AMD1: variants seen among roughly 807,000 people sequenced by gnomAD.
The protein encoded by AMD1 is adenosylmethionine decarboxylase 1.
Under a neutral mutation model 40.2 loss-of-function variants are expected in AMD1, and 11 were observed. The observed-to-expected ratio is 0.27, with a 90% CI of 0.17 to 0.45. The LOEUF is 0.45. AMD1 is among the 20% of genes least tolerant of loss of function. The pLI is 1.00. For missense variants in AMD1, 257 were observed against 410.2 expected (o/e 0.63, Z 3.23); for synonymous variants, 121 against 130.8 (o/e 0.93, Z 0.51).
At chr6:110,830,179 T>C in the AMD1 span, among the ~76,000 whole-genome samples, 2 of 151,998 alleles carry the variant, frequency 1.3e-5, no homozygotes, top group Admixed American at 1.3e-4. Context: ...CATACCCAGC[T>C]AATTTTTTTG....
chr6:110,819,866 G>T, the AMD1 span, among the ~76,000 whole-genome samples: 1 of 152,130 alleles, frequency 6.6e-6, no homozygotes, highest in African/African-American at 2.4e-5. Flanking sequence ...GTGACCTCTG[G>T]TCTACTCACT....
upstream of AMD1, among the ~76,000 whole-genome samples, chr6:110,870,741 C>T (rs1212755834): frequency 2.0e-5 from 3 of 152,104 alleles, no homozygotes; most frequent in East Asian, 5.8e-4. Context: ...AGACTGTGGA[C>T]AGATTAAGCC....
chr6:110,835,373 A>G, the AMD1 span, among the ~76,000 whole-genome samples: 1 of 152,108 alleles, frequency 6.6e-6, no homozygotes, highest in Non-Finnish European at 1.5e-5. Context: ...GTGTTTCCCA[A>G]AAGTTAGTTA....
At chr6:110,850,386 T>G in the AMD1 span, among the ~76,000 whole-genome samples, 1,526 of 152,208 alleles carry the variant, frequency 0.01, 28 homozygotes, top group African/African-American at 0.035. Flanking sequence ...GACCCTCCCT[T>G]GCCGGTGAAA....
At chr6:110,875,262 CCG>C in intron 1 of AMD1, 47 bp downstream of exon 1, 2 of 1,472,040 alleles carry the variant, frequency 1.4e-6, no homozygotes, top group Middle Eastern at 1.7e-4. Context: ...GGGGCTGTCG[CCG>C]CCGCCGAGGC....
At chr6:110,889,098 C>T (rs1785870336) in intron 3 of AMD1, 115 bp downstream of exon 3, 1 of 1,301,702 alleles carries the variant, frequency 7.7e-7, no homozygotes, top group Non-Finnish European at 1.0e-6. Flanking sequence ...TGCATGCAAA[C>T]ACGTGGTAAG....
At chr6:110,868,198 A>G in the AMD1 span, among the ~76,000 whole-genome samples, 1 of 151,728 alleles carries the variant, frequency 6.6e-6, no homozygotes, top group Non-Finnish European at 1.5e-5. Context: ...CCCAGGCTGG[A>G]GTACAGTGGT....
chr6:110,878,827 T>C (rs993201862), intron 1 of AMD1, among the ~76,000 whole-genome samples: 1 of 152,198 alleles, frequency 6.6e-6, no homozygotes, highest in African/African-American at 2.4e-5. Context: ...TTTTATAAAC[T>C]AAAACATAAT....
At chr6:110,816,227 ATCTG>A in the AMD1 span, among the ~76,000 whole-genome samples, 2 of 152,220 alleles carry the variant, frequency 1.3e-5, no homozygotes, top group African/African-American at 4.8e-5. Flanking sequence ...GGCTTTGGCC[ATCTG>A]TCTAAGGACA....
chr6:110,830,893 G>T, the AMD1 span, among the ~76,000 whole-genome samples: 1 of 152,132 alleles, frequency 6.6e-6, no homozygotes, highest in African/African-American at 2.4e-5. Context: ...GGGAGTACAG[G>T]CACATACCAC....
At chr6:110,853,550 G>A in the AMD1 span, among the ~76,000 whole-genome samples, 4,191 of 151,998 alleles carry the variant, frequency 0.028, 89 homozygotes, top group South Asian at 0.099. Flanking sequence ...CTCATGATCC[G>A]CCTGCCTCGG....
chr6:110,860,328 A>G, the AMD1 span, among the ~76,000 whole-genome samples: 1 of 152,178 alleles, frequency 6.6e-6, no homozygotes, highest in Non-Finnish European at 1.5e-5. Flanking sequence ...AGAAAAAGAT[A>G]TATATATATC....
the AMD1 span, among the ~76,000 whole-genome samples, chr6:110,860,056 G>A: frequency 6.6e-6 from 1 of 152,000 alleles, no homozygotes; most frequent in Admixed American, 6.6e-5. Flanking sequence ...CAAACTCCCG[G>A]CCTCAGGTGA....
chr6:110,842,049 C>T, the AMD1 span, among the ~76,000 whole-genome samples: 17 of 152,222 alleles, frequency 1.1e-4, no homozygotes, highest in African/African-American at 3.4e-4. Flanking sequence ...GTGATCCTCC[C>T]GCCTCAGCCT....
chr6:110,845,602 G>A, the AMD1 span, among the ~76,000 whole-genome samples: 2 of 152,174 alleles, frequency 1.3e-5, no homozygotes, highest in East Asian at 3.8e-4. Context: ...ATACCCTGCT[G>A]TTGGGTCATT....
At position 110,892,591 on chromosome 6, in the gene AMD1, AT is replaced by A. The variant is rs552522137; in HGVS notation, c.616-141del. 2.1e-4 allele frequency: 291 copies of A among 1,393,494 alleles called. 2 individuals are homozygous for A. The highest frequency in any genetic ancestry group is 2.7e-4 in the Non-Finnish European group (271 of 1,009,598). 86.3% of individuals were successfully genotyped at this position (1,393,494 alleles called of 1,614,324 possible). ...GTCATGGGGGTTTGTCGTACACAGTATTTCGTCACCCAGGTGTTAAGCCTAG... is the reference window on the plus strand; with the variant it reads ...GTCATGGGGGTTTGTCGTACACAGTATTCGTCACCCAGGTGTTAAGCCTAG... On this transcript the variant is annotated intron_variant, in intron 6 of 8. Coordinates refer to ENST00000368885, the MANE Select transcript of AMD1 (RefSeq NM_001634.6).
chr6:110,865,516 C>A, the AMD1 span, among the ~76,000 whole-genome samples: 1 of 152,120 alleles, frequency 6.6e-6, no homozygotes. Flanking sequence ...GCCTCAGCCT[C>A]CCGAGTAGCT....
the AMD1 span, among the ~76,000 whole-genome samples, chr6:110,835,556 T>C: frequency 0.012 from 1,883 of 152,192 alleles, 37 homozygotes; most frequent in African/African-American, 0.043. Context: ...CTTCCAAATC[T>C]TGGCAAATTC....
At chr6:110,873,645 C>G (rs1784961184), upstream of AMD1, among the ~76,000 whole-genome samples, 1 of 152,144 alleles carries the variant, frequency 6.6e-6, no homozygotes, top group Admixed American at 6.5e-5. Context: ...TTTTTCCTCC[C>G]ATATTCCCAA....
Sources: gnomAD v4.1 joint callset for allele counts (sites outside exome capture counted in the v4.1 genomes callset) on GRCh38, gnomAD v4.1.1 for gene constraint, MANE v1.5 for transcripts, NCBI Gene and HGNC (gene_info 2026-07-23, HGNC 2026-07-21) for gene names.